MXD4: variants seen among roughly 807,000 people sequenced by gnomAD.
MXD4 encodes MAX dimerization protein 4.
A neutral mutation model predicts 24.5 loss-of-function variants in MXD4; 16 were observed. That is an observed-to-expected ratio of 0.65 (90% confidence interval 0.44 to 0.99). MXD4 has a LOEUF of 0.99. Among genes scored for constraint, MXD4 ranks in the 50% least tolerant of loss-of-function variants. MXD4 has a pLI of 0.00. For synonymous variants in MXD4, 164 were observed against 134.2 expected, an observed-to-expected ratio of 1.22 and a Z score of -1.54; for missense variants, 301 against 301.5, an observed-to-expected ratio of 1.00 and a Z score of 0.01.
intron 3 of MXD4, chr4:2,252,728 C>G: frequency 1.9e-6 from 1 of 535,486 alleles, no homozygotes. Context: ...AGACACCTGG[C>G]AGAAGCGCCC....
intron 3 of MXD4, 47 bp downstream of exon 3, chr4:2,257,935 G>A: frequency 6.2e-7 from 1 of 1,612,278 alleles, no homozygotes; most frequent in Non-Finnish European, 8.5e-7. Context: ...TCAGTAAAAG[G>A]GTGGGCCAGG....
chr4:2,259,776 C>T (rs946122135), intron 2 of MXD4, among the ~76,000 whole-genome samples: 1 of 152,136 alleles, frequency 6.6e-6, no homozygotes, highest in Non-Finnish European at 1.5e-5. Flanking sequence ...TGGGACCTGT[C>T]CCCGCTGAGG....
chr4:2,251,363 T>C (rs1195075704), intron 4 of MXD4, 117 bp from the exon 5 acceptor site: 2 of 1,264,324 alleles, frequency 1.6e-6, no homozygotes, highest in Admixed American at 2.9e-5. Flanking sequence ...TGCCAAGACC[T>C]AGCCAAGGCT....
At chr4:2,260,598 C>A (rs754667033) in intron 2 of MXD4, 1 of 455,360 alleles carries the variant, frequency 2.2e-6, no homozygotes, top group African/African-American at 2.0e-5. Flanking sequence ...CCTCGTCACA[C>A]TCCTGTCCTT....
In MXD4 at chr4:2,258,024, A is replaced by G. The variant is rs1224054388; in HGVS notation, c.165-13T>C. ...GTTGTGTGAAGACCTGTTTAGAAAG[A>G]CAGAAAGACAGAGCTCACTCTTCTG... On this transcript the variant is annotated splice_polypyrimidine_tract_variant and intron_variant, in intron 2 of 5. Coordinates refer to ENST00000337190, the MANE Select transcript of MXD4 (RefSeq NM_006454.3). The G allele has an allele frequency of 1.4e-5, 22 of 1,613,532 alleles. No homozygotes were observed. Among genetic ancestry groups the G allele is most frequent in the East Asian group, 2.2e-5 (1 of 44,886 alleles).
intron 2 of MXD4, chr4:2,259,036 TC>T (rs1176457360): frequency 1.1e-5 from 5 of 442,954 alleles, no homozygotes; most frequent in South Asian, 7.8e-5. Context: ...CAGCCAGGGC[TC>T]CCGGGCCTCC....
In MXD4 at chr4:2,250,327, T is replaced by C. The variant is rs1735290981; in HGVS notation, c.*217A>G. 1.6e-6 allele frequency: 1 copy of C among 627,102 alleles called. No individual in the cohort carries two copies. The allele number at this position is 627,102 out of a possible 1,614,324, so 38.8% of individuals were successfully genotyped here. On this transcript the variant is annotated 3_prime_UTR_variant, in exon 6 of 6. Transcript: ENST00000337190. ...GGCTCCGGATGTGGAAGCTGGGCCC[T>C]GCCTCCTTGCAGGGGACTCTGCCCA... is the stretch of plus-strand genomic sequence containing the variant.
At chr4:2,254,568 G>A (rs571569518) in intron 3 of MXD4, 4 of 152,214 alleles carry the variant, frequency 2.6e-5, no homozygotes, top group Non-Finnish European at 4.4e-5. Context: ...ACACAGCTGA[G>A]AGACAAAGAA....
At chr4:2,252,353 T>G (rs1414663845) in intron 4 of MXD4, 55 bp downstream of exon 4, 1 of 1,435,894 alleles carries the variant, frequency 7.0e-7, no homozygotes, top group African/African-American at 1.4e-5. Context: ...CCCCAGGGCG[T>G]GCAGGGACAC....
intron 4 of MXD4, among the ~76,000 whole-genome samples, chr4:2,251,962 C>G (rs764778179): frequency 6.6e-6 from 1 of 152,172 alleles, no homozygotes; most frequent in Non-Finnish European, 1.5e-5. Flanking sequence ...CCACTGCCAG[C>G]TCCCGCTGCC....
chr4:2,257,937 TG>T, intron 3 of MXD4, 44 bp downstream of exon 3: 1 of 1,612,494 alleles, frequency 6.2e-7, no homozygotes, highest in Non-Finnish European at 8.5e-7. Flanking sequence ...AGTAAAAGGG[TG>T]GGCCAGGTGT....
Position 2,250,429 on chromosome 4 carries a change from T to C in MXD4, c.*115A>G, listed in dbSNP as rs1353003157. 3.7e-5 allele frequency: 48 copies of C among 1,307,176 alleles called. No homozygotes were observed. The Admixed American group carries it at 1.3e-3, about 36-fold the overall frequency. The allele number at this position is 1,307,176 out of a possible 1,614,324, so 81.0% of individuals were successfully genotyped here. A position where few individuals can be genotyped will look rare whatever the true frequency, so the allele number is the denominator to read the frequency against. On this transcript the variant is annotated 3_prime_UTR_variant, in exon 6 of 6. Coordinates refer to ENST00000337190, the MANE Select transcript of MXD4 (RefSeq NM_006454.3). The stretch of plus-strand genomic sequence containing the variant: ...CAGGCAGCCCAGCAGCAGCTGGAGC[T>C]TCCAGAATGGCACAGCAGTGGGCCT...
intron 2 of MXD4, 50 bp from the exon 3 acceptor site, chr4:2,258,061 G>C (rs1031605681): frequency 1.6e-5 from 26 of 1,611,240 alleles, no homozygotes; most frequent in Non-Finnish European, 2.0e-5. Context: ...CTGCCCACCA[G>C]GGCACAGAGA....
chr4:2,260,315 T>C (rs902415046), intron 2 of MXD4, among the ~76,000 whole-genome samples: 3 of 152,184 alleles, frequency 2.0e-5, no homozygotes, highest in Non-Finnish European at 4.4e-5. Flanking sequence ...ACCAAACCTC[T>C]CCTTGCCTCA....
At chr4:2,257,674 C>A (rs1364980850) in intron 3 of MXD4, among the ~76,000 whole-genome samples, 1 of 152,268 alleles carries the variant, frequency 6.6e-6, no homozygotes, top group Non-Finnish European at 1.5e-5. Context: ...TTGGAGACCA[C>A]TGTCCTGAAA....
Position 2,250,680 on chromosome 4 carries a change from T to A in MXD4, c.494A>T (p.Glu165Val), listed in dbSNP as rs780572310. 6.2e-6 allele frequency: 10 copies of A among 1,613,496 alleles called. No individual in the cohort carries two copies. The highest frequency in any genetic ancestry group is 7.6e-6 in the Non-Finnish European group (9 of 1,179,926). The change falls in exon 6 of 6, where the codon GAG becomes GTG. Residue 165 changes from glutamate (E) to valine (V), a missense_variant. Physicochemically the swap from Glu to Val is moderately radical, Grantham distance 121. Transcript: ENST00000337190. ...ACTGTCCAGCTCACCAGGGCCAAAC[T>A]CCATGCCCTCTATGTCCACTTCTAG... is the stretch of plus-strand genomic sequence containing the variant. ...SEQEVDIEGM[E>V]FGPGELDSVG...
chr4:2,258,562 G>A lies in MXD4; in HGVS notation c.165-551C>T, dbSNP rs554053068. Among the ~76,000 whole-genome samples, 7 of 152,302 alleles carry A rather than the reference G, an allele frequency of 4.6e-5. No individual in the cohort carries two copies. In the East Asian group the frequency reaches 7.7e-4, roughly 17 times the overall value. On this transcript the variant is annotated intron_variant, in intron 2 of 5. Coordinates refer to ENST00000337190, the MANE Select transcript of MXD4 (RefSeq NM_006454.3). ...TTGGAGCCAAAGCAGCCTAGCACCCGGGACAAACAGCAGGTGGAGATGGAG... is the reference window on the plus strand; with the variant it reads ...TTGGAGCCAAAGCAGCCTAGCACCCAGGACAAACAGCAGGTGGAGATGGAG...
In MXD4 at chr4:2,248,863, G is replaced by A. The variant is rs1252952430; in HGVS notation, c.*1681C>T. ...AGGCACTGCTATGGGCCAGCCCCAA[G>A]GACAGAGGACGTCAGGAAGGAAAGG... is the stretch of plus-strand genomic sequence containing the variant. On this transcript the variant is annotated 3_prime_UTR_variant, in exon 6 of 6. Coordinates refer to ENST00000337190, the MANE Select transcript of MXD4 (RefSeq NM_006454.3). 6.6e-6 allele frequency: 1 copy of A among 152,364 alleles called. No individual in the cohort carries two copies. Among genetic ancestry groups the A allele is most frequent in the Non-Finnish European group, 1.5e-5 (1 of 68,114 alleles). The allele number at this position is 152,364 out of a possible 1,614,324, so 9.4% of individuals were successfully genotyped here.
chr4:2,250,807 G>T, intron 5 of MXD4, 106 bp from the exon 6 acceptor site: 1 of 1,404,586 alleles, frequency 7.1e-7, no homozygotes, highest in African/African-American at 1.4e-5. Flanking sequence ...GAAGTGCGGA[G>T]GGCGCTGTCT....
Sources: allele counts gnomAD v4.1 joint callset (sites outside exome capture counted in the v4.1 genomes callset), GRCh38; gene constraint gnomAD v4.1.1; transcripts MANE v1.5; gene names NCBI Gene and HGNC (gene_info 2026-07-23, HGNC 2026-07-21).